GLB1L: variants seen among roughly 807,000 people sequenced by gnomAD.
GLB1L encodes galactosidase beta 1 like, also known as beta-galactosidase-1-like protein.
In GLB1L, 58 loss-of-function variants were observed where a neutral mutation model predicts 75.7. The ratio of observed to expected loss-of-function variants is 0.77; its 90% CI spans 0.62 to 0.95. The LOEUF is 0.95. GLB1L is among the 40% of genes least tolerant of loss of function. The pLI is 0.00. For missense variants in GLB1L, 797 were observed against 805.5 expected, an observed-to-expected ratio of 0.99 and a Z score of 0.13; for synonymous variants, 296 against 303.0, an observed-to-expected ratio of 0.98 and a Z score of 0.24.
chr2:219,241,641 C>T (rs983428756), intron 5 of GLB1L, among the ~76,000 whole-genome samples: 1 of 151,400 alleles, frequency 6.6e-6, no homozygotes, highest in Non-Finnish European at 1.5e-5. Flanking sequence ...GCAGAGTGAA[C>T]ATGGGGGAGA....
intron 5 of GLB1L, 110 bp from the exon 6 acceptor site, chr2:219,240,395 G>A: frequency 1.1e-6 from 1 of 870,874 alleles, no homozygotes; most frequent in Non-Finnish European, 1.9e-6. Context: ...TAAGCACCTT[G>A]TATATTTGCA....
Position 219,237,965 on chromosome 2 carries a change from T to C in GLB1L, c.1342-8A>G, listed in dbSNP as rs1951291486. The C allele has an allele frequency of 6.2e-7, 1 of 1,613,924 alleles. No individual in the cohort carries two copies. Among genetic ancestry groups the C allele is most frequent in the Non-Finnish European group, 8.5e-7 (1 of 1,179,886 alleles). On this transcript the variant is annotated splice_region_variant and splice_polypyrimidine_tract_variant and intron_variant, in intron 14 of 16. Coordinates refer to ENST00000295759, the MANE Select transcript of GLB1L (RefSeq NM_001286423.2). The stretch of plus-strand genomic sequence containing the variant: ...CACAACACCCTGGAACACCTGTGGA[T>C]AGGAGATAGGATAGGAGCAAGGCTC...
At chr2:219,242,162 T>C (rs1388718346) in intron 5 of GLB1L, among the ~76,000 whole-genome samples, 1 of 152,088 alleles carries the variant, frequency 6.6e-6, no homozygotes, top group Non-Finnish European at 1.5e-5. Context: ...CAATTTTTTG[T>C]ATTTTTAGTA....
Position 219,238,799 on chromosome 2 carries a change from G to T in GLB1L, c.1063-20C>A. ...CTGGAACTGAGCCCAGATTCTCTCA[G>T]GATCCATAGGAAAACCACAGAAAAC... On this transcript the variant is annotated intron_variant, in intron 11 of 16. Transcript: ENST00000295759. 1.3e-6 allele frequency: 2 copies of T among 1,598,582 alleles called. No homozygotes were observed. Among genetic ancestry groups the T allele is most frequent in the Non-Finnish European group, 1.7e-6 (2 of 1,170,924 alleles).
At chr2:219,241,430 GTGTGTGTGTGTGTATATA>G (rs1467870711) in intron 5 of GLB1L, among the ~76,000 whole-genome samples, 1 of 98,194 alleles carries the variant, frequency 1.0e-5, no homozygotes, top group East Asian at 4.6e-4. Flanking sequence ...GTGTGTGTGT[GTGTGTGTGTGTGTATATA>G]TATATATATA....
chr2:219,239,271 A>C, intron 10 of GLB1L, 61 bp from the exon 11 acceptor site: 1 of 1,504,916 alleles, frequency 6.6e-7, no homozygotes. Context: ...ACTACTAAGC[A>C]TGCTTCATGC....
chr2:219,238,032 G>A, intron 14 of GLB1L, 75 bp from the exon 15 acceptor site: 2 of 1,459,926 alleles, frequency 1.4e-6, no homozygotes, highest in Non-Finnish European at 9.5e-7. Context: ...CCACACATTA[G>A]GATACTTATT....
intron 1 of GLB1L, among the ~76,000 whole-genome samples, chr2:219,244,938 A>T (rs1951490968): frequency 6.6e-6 from 1 of 152,216 alleles, no homozygotes; most frequent in Non-Finnish European, 1.5e-5. Flanking sequence ...ATGTACTATT[A>T]TACCTATTTT....
intron 16 of GLB1L, 76 bp downstream of exon 16, chr2:219,237,436 A>G: frequency 6.2e-7 from 1 of 1,600,776 alleles, no homozygotes; most frequent in Admixed American, 1.7e-5. Flanking sequence ...TAATCAGAGG[A>G]TACTTTCTGC....
chr2:219,241,432 G>A (rs1270836851), intron 5 of GLB1L, among the ~76,000 whole-genome samples: 120 of 68,836 alleles, frequency 1.7e-3, no homozygotes, highest in East Asian at 4.6e-3. Flanking sequence ...GTGTGTGTGT[G>A]TGTGTGTGTG....
intron 14 of GLB1L, 72 bp downstream of exon 14, chr2:219,238,178 G>C: frequency 8.5e-7 from 1 of 1,171,188 alleles, no homozygotes. Flanking sequence ...GTGTAAATAT[G>C]GGGAACTTAA....
chr2:219,238,370 A>G lies in GLB1L; in HGVS notation c.1228-7T>C. ...ACAACATGAAGCCATGGTCCTGGGT[A>G]TGGAAGAATGAGTACTTCAGACAAA... On this transcript the variant is annotated splice_polypyrimidine_tract_variant and splice_region_variant and intron_variant, in intron 13 of 16. Coordinates refer to ENST00000295759, the MANE Select transcript of GLB1L (RefSeq NM_001286423.2). 6.3e-7 allele frequency: 1 copy of G among 1,591,012 alleles called. No homozygotes were observed. The highest frequency in any genetic ancestry group is 1.3e-5 in the African/African-American group (1 of 74,216).
rs1202709967 is a variant in GLB1L, at chr2:219,239,777, A to G, written c.778T>C (p.Leu260=). 1.9e-6 allele frequency: 3 copies of G among 1,614,174 alleles called. No homozygotes were observed. The highest frequency in any genetic ancestry group is 1.1e-5 in the South Asian group (1 of 91,086). ...CTGACTCCTCTCTGGCCCCTCACCAATGGCCCATGGGGTTCATACTTCCGA... is the reference window on the plus strand; with the variant it reads ...CTGACTCCTCTCTGGCCCCTCACCAGTGGCCCATGGGGTTCATACTTCCGA... ...LLRKYEPHGP[L]VNSEYYTGWL... The change falls in exon 8 of 17, where the codon TTG becomes CTG. Residue 260 remains leucine (L), a splice_region_variant and synonymous_variant. Transcript: ENST00000295759.
chr2:219,240,051 T>C lies in GLB1L; in HGVS notation c.590A>G (p.Tyr197Cys), dbSNP rs1162267550. Residue 197 changes from tyrosine (Y) to cysteine (C), a missense_variant, in exon 7 of 17, where the codon TAC becomes TGC. Tyr to Cys is a radical substitution (Grantham distance 194). Transcript: ENST00000295759. ...YGSYRACDFS[Y>C]MRHLAGLFRA... ...GAAGAGCCCAGCCAAGTGCCTCATGTAGCTGAAGTCACAGGCTCTGTAGCT... is the reference window on the plus strand; with the variant it reads ...GAAGAGCCCAGCCAAGTGCCTCATGCAGCTGAAGTCACAGGCTCTGTAGCT... 1.5e-5 allele frequency: 24 copies of C among 1,614,128 alleles called. No homozygotes were observed. The highest frequency in any genetic ancestry group is 1.9e-5 in the Non-Finnish European group (23 of 1,180,028).
Position 219,238,790 on chromosome 2 carries a change from A to G in GLB1L, c.1063-11T>C. 1 of 1,609,576 alleles carries G rather than the reference A, an allele frequency of 6.2e-7. No individual in the cohort carries two copies. Among genetic ancestry groups the G allele is most frequent in the Non-Finnish European group, 8.5e-7 (1 of 1,177,718 alleles). On this transcript the variant is annotated splice_polypyrimidine_tract_variant and intron_variant, in intron 11 of 16. Transcript: ENST00000295759. ...AGGAACTTCCTGGAACTGAGCCCAGATTCTCTCAGGATCCATAGGAAAACC... is the reference window on the plus strand; with the variant it reads ...AGGAACTTCCTGGAACTGAGCCCAGGTTCTCTCAGGATCCATAGGAAAACC...
At chr2:219,237,979 G>T in intron 14 of GLB1L, 22 bp from the exon 15 acceptor site, 7 of 1,613,080 alleles carry the variant, frequency 4.3e-6, no homozygotes, top group Non-Finnish European at 5.9e-6. Flanking sequence ...AGATAGGATA[G>T]GAGCAAGGCT....
rs1951322638 is a variant in GLB1L, at chr2:219,239,080, A to G, written c.1062+12T>C. The G allele has an allele frequency of 5.8e-6, 9 of 1,545,756 alleles. No homozygotes were observed. The highest frequency in any genetic ancestry group is 8.0e-6 in the Non-Finnish European group (9 of 1,123,146). On this transcript the variant is annotated intron_variant, in intron 11 of 16. Coordinates refer to ENST00000295759, the MANE Select transcript of GLB1L (RefSeq NM_001286423.2). ...ATAAAAGCCTTTGGAGCTTAATGAA[A>G]TGGTAGGGTACCTTGCTGATGACAT... is the stretch of plus-strand genomic sequence containing the variant.
At chr2:219,241,471 C>CATAT (rs1951393548) in intron 5 of GLB1L, among the ~76,000 whole-genome samples, 3 of 79,184 alleles carry the variant, frequency 3.8e-5, no homozygotes, top group African/African-American at 1.2e-4. Context: ...TATATACATA[C>CATAT]ATATATATGT....
intron 2 of GLB1L, 53 bp from the exon 3 acceptor site, chr2:219,243,367 G>T: frequency 6.3e-7 from 1 of 1,591,124 alleles, no homozygotes; most frequent in Admixed American, 1.7e-5. Context: ...AGCGTCGAGG[G>T]TCAGCGCCTG....
Sources: allele counts gnomAD v4.1 joint callset (sites outside exome capture counted in the v4.1 genomes callset), GRCh38; gene constraint gnomAD v4.1.1; transcripts MANE v1.5; gene names NCBI Gene and HGNC (gene_info 2026-07-23, HGNC 2026-07-21).